The following ARHGAP26 variants were observed in gnomAD, a reference collection of about 807,000 sequenced individuals.
ARHGAP26 encodes the protein rho GTPase-activating protein 26.
ARHGAP26 carries 38 observed loss-of-function variants against 104.8 expected under a neutral mutation model. The observed-to-expected ratio is 0.36, with a 90% confidence interval of 0.28 to 0.48. The LOEUF is 0.48. Among genes scored for constraint, ARHGAP26 ranks in the 20% least tolerant of loss-of-function variants. The probability of loss-of-function intolerance (pLI) is 0.99; values close to 1 mark genes in which losing one functional copy is unlikely to be tolerated. For missense variants in ARHGAP26, 704 were observed against 947.9 expected (o/e 0.74, Z 3.38); for synonymous variants, 341 against 340.0 (o/e 1.00, Z -0.03).
intron 1 of ARHGAP26, among the ~76,000 whole-genome samples, chr5:142,837,639 T>G (rs1033521085): frequency 1.7e-4 from 26 of 152,336 alleles, no homozygotes; most frequent in African/African-American, 6.3e-4. Context: ...ATCTTTTCCC[T>G]GCAGTAGAAG....
chr5:142,951,024 T>C (rs149536983), intron 11 of ARHGAP26, among the ~76,000 whole-genome samples: 6 of 9,188 alleles, frequency 6.5e-4, no homozygotes, highest in Middle Eastern at 0.071. Context: ...TTTCCCTTTC[T>C]CTTTCCCTTT....
Position 142,949,231 on chromosome 5 carries a change from AG to A in ARHGAP26, c.1107+17108del, listed in dbSNP as rs67677895. On this transcript the variant is annotated intron_variant, in intron 11 of 22. Coordinates refer to ENST00000645722, the MANE Select transcript of ARHGAP26 (RefSeq NM_001135608.3). Reference sequence around the variant, plus strand: ...AGAGAGAGAGAGAGAGGAGAGAGAGAGGAGAGAGAGAGAGAGAGAGAGAGAG... The same window carrying A: ...AGAGAGAGAGAGAGAGGAGAGAGAGAGAGAGAGAGAGAGAGAGAGAGAGAG... Among the ~76,000 whole-genome samples the A allele has an allele frequency of 8.1e-3, 201 of 24,956 alleles. 41 individuals are homozygous for A. Among genetic ancestry groups the A allele is most frequent in the African/African-American group, 0.061 (151 of 2,474 alleles). The allele number at this position is 24,956 out of a possible 152,430, so 16.4% of individuals were successfully genotyped here.
At chr5:142,967,196 C>A (rs537966296) in intron 11 of ARHGAP26, among the ~76,000 whole-genome samples, 1 of 152,198 alleles carries the variant, frequency 6.6e-6, no homozygotes, top group South Asian at 2.1e-4. Flanking sequence ...GCAGGGAAAA[C>A]AGAACGATAA....
intron 1 of ARHGAP26, among the ~76,000 whole-genome samples, chr5:142,867,491 A>G (rs1282747525): frequency 6.6e-6 from 1 of 152,194 alleles, no homozygotes; most frequent in Admixed American, 6.5e-5. Context: ...CCTCTCTCCA[A>G]GCACAGTTTC....
intron 18 of ARHGAP26, among the ~76,000 whole-genome samples, chr5:143,127,167 T>C (rs1599134892): frequency 6.6e-6 from 1 of 152,238 alleles, no homozygotes; most frequent in Non-Finnish European, 1.5e-5. Flanking sequence ...TTTTCATAGT[T>C]TTGGTTCAAC....
chr5:142,779,049 A>G (rs560283079), intron 1 of ARHGAP26, among the ~76,000 whole-genome samples: 1 of 152,086 alleles, frequency 6.6e-6, no homozygotes, highest in Admixed American at 6.5e-5. Flanking sequence ...ATGCTTTCTG[A>G]GTGGCATGTT....
intron 1 of ARHGAP26, chr5:142,867,760 GA>G: frequency 6.6e-6 from 1 of 152,324 alleles, no homozygotes; most frequent in Non-Finnish European, 1.5e-5. Flanking sequence ...TGGACAACAT[GA>G]AGGGAGGTGG....
chr5:142,934,958 A>G (rs1176090817), intron 11 of ARHGAP26, among the ~76,000 whole-genome samples: 1 of 152,194 alleles, frequency 6.6e-6, no homozygotes, highest in Non-Finnish European at 1.5e-5. Flanking sequence ...TTTAATACAC[A>G]GTCATATCCT....
chr5:143,102,617 C>T (rs910676190), intron 17 of ARHGAP26, among the ~76,000 whole-genome samples: 2 of 152,244 alleles, frequency 1.3e-5, no homozygotes, highest in African/African-American at 4.8e-5. Flanking sequence ...GTTGCGTCGC[C>T]CATCCGGGCT....
intron 11 of ARHGAP26, among the ~76,000 whole-genome samples, chr5:142,984,922 T>TAA (rs79500802): frequency 2.0e-5 from 3 of 149,072 alleles, no homozygotes; most frequent in East Asian, 2.0e-4. Flanking sequence ...TTCTACTTAT[T>TAA]AAAAAAAAAA....
At chr5:143,201,530 T>A (rs1807722674) in intron 20 of ARHGAP26, among the ~76,000 whole-genome samples, 1 of 152,298 alleles carries the variant, frequency 6.6e-6, no homozygotes, top group Admixed American at 6.5e-5. Context: ...GATTTTTATT[T>A]TGTTTATTTA....
At chr5:143,025,480 G>A (rs1780914590) in intron 12 of ARHGAP26, among the ~76,000 whole-genome samples, 1 of 152,206 alleles carries the variant, frequency 6.6e-6, no homozygotes, top group Non-Finnish European at 1.5e-5. Flanking sequence ...AGCTGATGAT[G>A]ATCTCTTTCG....
At chr5:143,038,256 TTC>T (rs1782935444) in intron 13 of ARHGAP26, among the ~76,000 whole-genome samples, 1 of 152,180 alleles carries the variant, frequency 6.6e-6, no homozygotes, top group African/African-American at 2.4e-5. Context: ...ACACTTTTTT[TTC>T]CATAAGGACT....
intron 17 of ARHGAP26, among the ~76,000 whole-genome samples, chr5:143,084,287 A>G (rs917913839): frequency 6.6e-6 from 1 of 152,248 alleles, no homozygotes; most frequent in Non-Finnish European, 1.5e-5. Context: ...AAATAGAAAA[A>G]AGAGAACAAG....
At chr5:142,949,858 G>T (rs937775443) in intron 11 of ARHGAP26, among the ~76,000 whole-genome samples, 12 of 152,226 alleles carry the variant, frequency 7.9e-5, no homozygotes, top group African/African-American at 2.7e-4. Flanking sequence ...ACTTGCTAAG[G>T]AGAAAAGTTC....
chr5:142,895,841 A>T (rs1056003909), intron 6 of ARHGAP26, among the ~76,000 whole-genome samples: 1 of 152,232 alleles, frequency 6.6e-6, no homozygotes, highest in Non-Finnish European at 1.5e-5. Flanking sequence ...AAACAAAAAA[A>T]GATTACAATC....
At chr5:143,157,432 C>G (rs1335305746) in intron 20 of ARHGAP26, among the ~76,000 whole-genome samples, 1 of 152,236 alleles carries the variant, frequency 6.6e-6, no homozygotes, top group Non-Finnish European at 1.5e-5. Flanking sequence ...CCTGCCTCAG[C>G]CTCCCAAAAT....
At chr5:142,786,628 G>A (rs1265478587) in intron 1 of ARHGAP26, among the ~76,000 whole-genome samples, 1 of 149,962 alleles carries the variant, frequency 6.7e-6, no homozygotes, top group Non-Finnish European at 1.5e-5. Context: ...TGGAAATGAC[G>A]TGAAACAGAT....
intron 20 of ARHGAP26, among the ~76,000 whole-genome samples, chr5:143,200,910 C>T (rs1163936978): frequency 6.6e-6 from 1 of 152,214 alleles, no homozygotes; most frequent in East Asian, 1.9e-4. Context: ...GCAGGCATGC[C>T]CTGGCTGGTC....
Sources: allele counts gnomAD v4.1 joint callset (sites outside exome capture counted in the v4.1 genomes callset), GRCh38; gene constraint gnomAD v4.1.1; transcripts MANE v1.5; gene names NCBI Gene and HGNC (gene_info 2026-07-23, HGNC 2026-07-21).